Variants in PRR11 observed in about 807,000 individuals in gnomAD.
PRR11 encodes proline rich 11, also known as proline-rich protein 11.
Under a neutral mutation model 45.6 loss-of-function variants are expected in PRR11, and 30 were observed. That is an observed-to-expected ratio of 0.66 (90% CI 0.49 to 0.89). The LOEUF is 0.89. Among genes scored for constraint, PRR11 ranks in the 40% least tolerant of loss-of-function variants. The probability of loss-of-function intolerance (pLI) is 0.00; values close to 1 mark genes in which losing one functional copy is unlikely to be tolerated. For synonymous variants in PRR11, 128 were observed against 153.5 expected, an observed-to-expected ratio of 0.83 and a Z score of 1.23; for missense variants, 373 against 424.8, an observed-to-expected ratio of 0.88 and a Z score of 1.07.
In PRR11 at chr17:59,206,674, A is replaced by G. The variant is rs1197784899; in HGVS notation, c.*5043A>G. Among the ~76,000 whole-genome samples, 1 of 152,152 alleles carries G rather than the reference A, an allele frequency of 6.6e-6. No individual in the cohort carries two copies. Among genetic ancestry groups the G allele is most frequent in the Non-Finnish European group, 1.5e-5 (1 of 68,018 alleles). ...GGTGCATCTGGTTATGTTTTAAAAT[A>G]AAGATTAATAAAAGTTTTGGTTTTT... On this transcript the variant is annotated 3_prime_UTR_variant, in exon 10 of 10. Transcript: ENST00000262293.
At chr17:59,184,734 A>G (rs1186220816) in intron 2 of PRR11, among the ~76,000 whole-genome samples, 2 of 152,064 alleles carry the variant, frequency 1.3e-5, no homozygotes, top group African/African-American at 2.4e-5. Flanking sequence ...TAGAAGATCA[A>G]TGTTCTGACC....
chr17:59,200,243 C>T (rs868851861), intron 9 of PRR11, among the ~76,000 whole-genome samples: 2 of 152,130 alleles, frequency 1.3e-5, no homozygotes, highest in Non-Finnish European at 1.5e-5. Flanking sequence ...TGTGAAGCAA[C>T]TGTATCAGGT....
chr17:59,183,248 C>T (rs2046797820), intron 2 of PRR11, among the ~76,000 whole-genome samples: 1 of 152,150 alleles, frequency 6.6e-6, no homozygotes, highest in Admixed American at 6.6e-5. Flanking sequence ...GTTCCCTGTC[C>T]CAGCAGAGGC....
At position 59,205,397 on chromosome 17, in the gene PRR11, A is replaced by G. The variant is rs2046913014; in HGVS notation, c.*3766A>G. ...ACCTTCTTTTTAAACTAGAAATATA[A>G]TACCTATAGAAAAGTAAATGTTGGC... On this transcript the variant is annotated 3_prime_UTR_variant, in exon 10 of 10. Transcript: ENST00000262293. Among the ~76,000 whole-genome samples, 1 of 151,554 alleles carries G rather than the reference A, an allele frequency of 6.6e-6. No homozygotes were observed. The highest frequency in any genetic ancestry group is 2.4e-5 in the African/African-American group (1 of 41,214).
At chr17:59,175,210 A>C in intron 2 of PRR11, 2 of 453,280 alleles carry the variant, frequency 4.4e-6, no homozygotes, top group South Asian at 3.8e-5. Flanking sequence ...AGAGGAGGGC[A>C]GGGGACGATC....
intron 2 of PRR11, chr17:59,179,983 C>T: frequency 8.9e-7 from 1 of 1,127,190 alleles, no homozygotes; most frequent in Non-Finnish European, 1.3e-6. Context: ...GCCTCGCAGA[C>T]TGCTGGCTTC....
At chr17:59,185,368 C>T in intron 3 of PRR11, 72 bp from the exon 4 acceptor site, 1 of 1,545,594 alleles carries the variant, frequency 6.5e-7, no homozygotes, top group Non-Finnish European at 8.7e-7. Flanking sequence ...CATCAAGTCA[C>T]TTTCTGGTTC....
At chr17:59,193,381 T>C (rs1220814529) in intron 4 of PRR11, 111 bp from the exon 5 acceptor site, 7 of 1,291,394 alleles carry the variant, frequency 5.4e-6, no homozygotes, top group African/African-American at 1.5e-5. Context: ...AGGAAGCACA[T>C]GGTACGCTGA....
At chr17:59,164,729 A>C (rs972158667) in intron 1 of PRR11, among the ~76,000 whole-genome samples, 1 of 151,888 alleles carries the variant, frequency 6.6e-6, no homozygotes, top group African/African-American at 2.4e-5. Flanking sequence ...AATTTTAAAA[A>C]TTAGCCGGGC....
intron 2 of PRR11, among the ~76,000 whole-genome samples, chr17:59,183,982 G>C (rs1259625962): frequency 1.3e-5 from 2 of 150,112 alleles, no homozygotes; most frequent in Non-Finnish European, 3.0e-5. Flanking sequence ...CTGGCACCTT[G>C]TTCCAACTAC....
intron 2 of PRR11, chr17:59,179,700 G>A (rs750045983): frequency 1.8e-5 from 26 of 1,440,844 alleles, no homozygotes; most frequent in African/African-American, 1.4e-4. Flanking sequence ...GGTGACACTC[G>A]CCATTGCTTC....
intron 2 of PRR11, among the ~76,000 whole-genome samples, chr17:59,178,689 G>A (rs1343646378): frequency 6.6e-6 from 1 of 152,182 alleles, no homozygotes; most frequent in East Asian, 1.9e-4. Context: ...CACTGGGCAA[G>A]GGAGAGAGGC....
Position 59,204,605 on chromosome 17 carries a change from C to G in PRR11, c.*2974C>G, listed in dbSNP as rs2046909345. ...CCTATAGCCCCAGCTACTCAGGAAGCTAAAGCACGAGAATTATGTGCATCC... is the reference window on the plus strand; with the variant it reads ...CCTATAGCCCCAGCTACTCAGGAAGGTAAAGCACGAGAATTATGTGCATCC... On this transcript the variant is annotated 3_prime_UTR_variant, in exon 10 of 10. Transcript: ENST00000262293. The G allele has an allele frequency of 6.6e-6, 1 of 151,156 alleles. No homozygotes were observed. The highest frequency in any genetic ancestry group is 1.5e-5 in the Non-Finnish European group (1 of 68,036). 9.4% of individuals were successfully genotyped at this position (151,156 alleles called of 1,614,324 possible).
At position 59,201,981 on chromosome 17, in the gene PRR11, C is replaced by CA. The variant is rs1042018097; in HGVS notation, c.*358dup. On this transcript the variant is annotated 3_prime_UTR_variant, in exon 10 of 10. Coordinates refer to ENST00000262293, the MANE Select transcript of PRR11 (RefSeq NM_018304.4). Reference sequence around the variant, plus strand: ...AGCAAAACAAAAACAAACAAACAAACAAAAAAAACCCACCCAAATCCTTTT... The same window carrying CA: ...AGCAAAACAAAAACAAACAAACAAACAAAAAAAAACCCACCCAAATCCTTTT... 1.4e-4 allele frequency: 31 copies of CA among 227,580 alleles called. No individual in the cohort carries two copies. Among genetic ancestry groups the CA allele is most frequent in the Non-Finnish European group, 1.8e-4 (20 of 112,688 alleles). The allele number at this position is 227,580 out of a possible 1,614,324, so 14.1% of individuals were successfully genotyped here.
At chr17:59,185,294 C>G in intron 3 of PRR11, 90 bp downstream of exon 3, 1 of 1,531,174 alleles carries the variant, frequency 6.5e-7, no homozygotes, top group Non-Finnish European at 8.9e-7. Context: ...GTCCAACCCT[C>G]AAGCTAAACT....
intron 4 of PRR11, among the ~76,000 whole-genome samples, chr17:59,192,119 C>T (rs1341755166): frequency 6.6e-6 from 1 of 152,060 alleles, no homozygotes; most frequent in Non-Finnish European, 1.5e-5. Context: ...TAGGTGGACC[C>T]TAAGTCCCAG....
rs2046786402 is a variant in PRR11 at position 59,181,501 on chromosome 17, G to A, written c.129-3553G>A. 7.9e-6 allele frequency: 9 copies of A among 1,134,686 alleles called. No homozygotes were observed. The South Asian group carries it at 9.7e-5, about 12-fold the overall frequency. 70.3% of individuals were successfully genotyped at this position (1,134,686 alleles called of 1,614,324 possible). ...CAGGATTGGAGGTGCTCTCTGGGGT[G>A]TCCTCCTACCAAGCAGCCTGTTGAA... On this transcript the variant is annotated intron_variant, in intron 2 of 9. Coordinates refer to ENST00000262293, the MANE Select transcript of PRR11 (RefSeq NM_018304.4).
intron 2 of PRR11, among the ~76,000 whole-genome samples, chr17:59,173,723 A>T (rs550915880): frequency 2.0e-5 from 3 of 152,296 alleles, no homozygotes; most frequent in East Asian, 1.9e-4. Flanking sequence ...CCAAGAACCC[A>T]CCAATTCCAG....
chr17:59,179,874 C>T, intron 2 of PRR11: 1 of 1,342,488 alleles, frequency 7.4e-7, no homozygotes, highest in Non-Finnish European at 1.0e-6. Context: ...GGATCTACCC[C>T]AGGGGCTGAG....
Sources: gnomAD v4.1 joint callset for allele counts (sites outside exome capture counted in the v4.1 genomes callset) on GRCh38, gnomAD v4.1.1 for gene constraint, MANE v1.5 for transcripts, NCBI Gene and HGNC (gene_info 2026-07-23, HGNC 2026-07-21) for gene names.